The following ACOXL variants were observed in gnomAD, a reference collection of about 807,000 sequenced individuals.
The protein encoded by ACOXL is acyl-coenzyme A oxidase-like protein.
In ACOXL, 70 loss-of-function variants were observed where a neutral mutation model predicts 71.9. That is an observed-to-expected ratio of 0.97 (90% CI 0.80 to 1.19). ACOXL has a LOEUF of 1.19. Among genes scored for constraint, ACOXL ranks in the 50% most tolerant of loss-of-function variants. The probability of loss-of-function intolerance (pLI) is 0.00; values close to 1 mark genes in which losing one functional copy is unlikely to be tolerated. For synonymous variants in ACOXL, 253 were observed against 281.6 expected (o/e 0.90, Z 1.02); for missense variants, 703 against 736.3 (o/e 0.95, Z 0.52).
At chr2:110,859,896 C>T (rs1226360354) in intron 10 of ACOXL, among the ~76,000 whole-genome samples, 1 of 152,138 alleles carries the variant, frequency 6.6e-6, no homozygotes, top group Admixed American at 6.5e-5. Context: ...GAGGAGGCGG[C>T]TTCTAGAATC....
intron 13 of ACOXL, among the ~76,000 whole-genome samples, chr2:110,994,005 C>A (rs1353730608): frequency 1.3e-5 from 2 of 152,230 alleles, no homozygotes; most frequent in African/African-American, 4.8e-5. Context: ...AGTCTGCACA[C>A]TCTACTGCAC....
intron 10 of ACOXL, among the ~76,000 whole-genome samples, chr2:110,844,258 C>T (rs145782307): frequency 3.3e-5 from 5 of 152,290 alleles, no homozygotes; most frequent in South Asian, 2.1e-4. Flanking sequence ...ACTGTGGAAA[C>T]GGAGAAGGGA....
At chr2:111,113,093 A>C (rs1428157296) in intron 17 of ACOXL, 2 of 152,234 alleles carry the variant, frequency 1.3e-5, no homozygotes, top group African/African-American at 2.4e-5. Flanking sequence ...CACGTCTGCC[A>C]CAGTGGTGGA....
chr2:110,950,446 C>T (rs969229975), intron 12 of ACOXL, among the ~76,000 whole-genome samples: 3 of 152,248 alleles, frequency 2.0e-5, no homozygotes, highest in East Asian at 3.9e-4. Context: ...AAATTTTTAA[C>T]GGCATAAACA....
chr2:111,060,509 C>G (rs894475926), intron 16 of ACOXL, among the ~76,000 whole-genome samples: 2 of 152,148 alleles, frequency 1.3e-5, no homozygotes, highest in African/African-American at 4.8e-5. Context: ...GTATCACCCT[C>G]CCCTGATGGT....
chr2:110,974,636 C>A (rs1437632733), intron 12 of ACOXL, among the ~76,000 whole-genome samples: 2 of 152,148 alleles, frequency 1.3e-5, no homozygotes, highest in Non-Finnish European at 2.9e-5. Flanking sequence ...TGCAGATATG[C>A]AAAAATGCAG....
chr2:111,069,145 C>CTTTTTTTTT (rs1234410019), intron 16 of ACOXL, among the ~76,000 whole-genome samples: 45 of 135,186 alleles, frequency 3.3e-4, no homozygotes, highest in Non-Finnish European at 4.8e-4. Context: ...TCTTCTTTTT[C>CTTTTTTTTT]TTTTTTTTTT....
chr2:110,773,378 GGGAA>G (rs1682214327), intron 2 of ACOXL, among the ~76,000 whole-genome samples: 1 of 152,158 alleles, frequency 6.6e-6, no homozygotes, highest in East Asian at 1.9e-4. Flanking sequence ...AGCCTTTCCT[GGGAA>G]GCGTTTACAT....
intron 15 of ACOXL, among the ~76,000 whole-genome samples, chr2:111,038,183 T>C (rs148478233): frequency 3.0e-4 from 46 of 152,310 alleles, no homozygotes; most frequent in South Asian, 8.3e-4. Context: ...AACTTTCATC[T>C]GAGGAAACCG....
At position 110,768,379 on chromosome 2, in the gene ACOXL, G is replaced by T; in HGVS notation, c.-11G>T. The T allele has an allele frequency of 6.2e-7, 1 of 1,613,948 alleles. No individual in the cohort carries two copies. Among genetic ancestry groups the T allele is most frequent in the Non-Finnish European group, 8.5e-7 (1 of 1,179,894 alleles). On this transcript the variant is annotated 5_prime_UTR_variant, in exon 2 of 18. Transcript: ENST00000439055. ...TCTGTTCTTCACAGGTATGATTTAA[G>T]CTTGGATGAAATGAGAGCTTTGACA...
chr2:110,878,592 A>C (rs1357869791), intron 10 of ACOXL, among the ~76,000 whole-genome samples: 1 of 151,740 alleles, frequency 6.6e-6, no homozygotes, highest in South Asian at 2.1e-4. Context: ...GTGAAACCCT[A>C]TCTCTACTAA....
chr2:110,844,250 T>G (rs567390033), intron 10 of ACOXL, among the ~76,000 whole-genome samples: 1 of 152,368 alleles, frequency 6.6e-6, no homozygotes, highest in East Asian at 1.9e-4. Context: ...TCTTCAATAC[T>G]GTGGAAACGG....
chr2:110,776,939 G>A (rs969277683), intron 2 of ACOXL, among the ~76,000 whole-genome samples: 2 of 151,900 alleles, frequency 1.3e-5, no homozygotes, highest in Non-Finnish European at 2.9e-5. Context: ...GTGATGAGAA[G>A]TGGCAGGAAT....
rs150568174 is a variant in ACOXL at position 110,962,631 on chromosome 2, C to G, written c.1060-24477C>G. The stretch of plus-strand genomic sequence containing the variant: ...ACCTGGAAATCCAGACTTCTAAGAC[C>G]CCTGTGGCCATTTTCAGAAATGAAG... On this transcript the variant is annotated intron_variant, in intron 12 of 17. Coordinates refer to ENST00000439055, the MANE Select transcript of ACOXL (RefSeq NM_001142807.4). Among the ~76,000 whole-genome samples the G allele has an allele frequency of 1.2e-4, 18 of 152,298 alleles. No individual in the cohort carries two copies. The East Asian group carries it at 3.5e-3, about 29-fold the overall frequency.
chr2:110,776,826 G>A (rs1461831489), intron 2 of ACOXL, among the ~76,000 whole-genome samples: 4 of 152,024 alleles, frequency 2.6e-5, no homozygotes, highest in African/African-American at 9.7e-5. Context: ...CGGGCTGCTG[G>A]CTTAGAAATA....
At chr2:110,808,153 C>G (rs1272988596) in intron 9 of ACOXL, among the ~76,000 whole-genome samples, 3 of 152,104 alleles carry the variant, frequency 2.0e-5, no homozygotes, top group African/African-American at 7.2e-5. Context: ...CTTGGGAGAC[C>G]TCTGCAGCCT....
At chr2:110,904,265 A>G (rs932333958) in intron 10 of ACOXL, among the ~76,000 whole-genome samples, 1 of 152,048 alleles carries the variant, frequency 6.6e-6, no homozygotes, top group Non-Finnish European at 1.5e-5. Flanking sequence ...CCTTCCTTTC[A>G]TTTCATCTTC....
At chr2:111,107,362 T>C (rs1182307928) in intron 17 of ACOXL, among the ~76,000 whole-genome samples, 1 of 152,236 alleles carries the variant, frequency 6.6e-6, no homozygotes, top group Non-Finnish European at 1.5e-5. Context: ...AGATTTGTTT[T>C]ACATATAATA....
At chr2:110,949,272 T>G (rs2149400718) in intron 12 of ACOXL, among the ~76,000 whole-genome samples, 1 of 152,282 alleles carries the variant, frequency 6.6e-6, no homozygotes, top group Admixed American at 6.5e-5. Context: ...CAAGTGTCAG[T>G]AAGGCCCCCT....
Sources: allele counts gnomAD v4.1 joint callset (sites outside exome capture counted in the v4.1 genomes callset), GRCh38; gene constraint gnomAD v4.1.1; transcripts MANE v1.5; gene names NCBI Gene and HGNC (gene_info 2026-07-23, HGNC 2026-07-21).